SLC6A3: variants seen among roughly 807,000 people sequenced by gnomAD.
SLC6A3 encodes sodium-dependent dopamine transporter.
Under a neutral mutation model 70.4 loss-of-function variants are expected in SLC6A3, and 19 were observed. The ratio of observed to expected loss-of-function variants is 0.27; its 90% CI spans 0.19 to 0.40. The LOEUF is 0.40. SLC6A3 is among the 10% of genes least tolerant of loss of function. The pLI, the probability that SLC6A3 is intolerant of heterozygous loss-of-function variation, is 1.00. For synonymous variants in SLC6A3, 368 were observed against 356.6 expected (o/e 1.03, Z -0.36); for missense variants, 613 against 838.5 (o/e 0.73, Z 3.32).
chr5:1,420,860 T>C (rs1414558009), intron 5 of SLC6A3, among the ~76,000 whole-genome samples, 157 bp from the exon 6 acceptor site: 1 of 152,210 alleles, frequency 6.6e-6, no homozygotes, highest in Non-Finnish European at 1.5e-5. Flanking sequence ...CAAATGCTCC[T>C]TGGAGTGAGA....
At chr5:1,434,179 G>A (rs533920210) in intron 3 of SLC6A3, among the ~76,000 whole-genome samples, 1 of 152,312 alleles carries the variant, frequency 6.6e-6, no homozygotes, top group Admixed American at 6.5e-5. Context: ...ACCATCCAGG[G>A]TTTCCTAGAA....
rs1756045031 is a variant in SLC6A3, at chr5:1,408,720, T to G, written c.1498+306A>C. Among the ~76,000 whole-genome samples the G allele has an allele frequency of 6.6e-6, 1 of 152,328 alleles. No homozygotes were observed. Among genetic ancestry groups the G allele is most frequent in the South Asian group, 2.1e-4 (1 of 4,834 alleles). Reference sequence around the variant, plus strand: ...CCCTGCTGAAACCCCAGCATGGATCTGATTGTGTTCCCCTGGGTGGGATGG... The same window carrying G: ...CCCTGCTGAAACCCCAGCATGGATCGGATTGTGTTCCCCTGGGTGGGATGG... On this transcript the variant is annotated intron_variant, in intron 11 of 14. Transcript: ENST00000270349. The surrounding 1 kb of genome is among the most constrained non-coding windows in gnomAD (Gnocchi z 6.4).
chr5:1,414,548 C>A, intron 8 of SLC6A3, 143 bp downstream of exon 8: 1 of 833,192 alleles, frequency 1.2e-6, no homozygotes. Context: ...GTACCACCAT[C>A]CTTCAAGAGT....
intron 8 of SLC6A3, among the ~76,000 whole-genome samples, chr5:1,414,098 G>C (rs560150687): frequency 2.0e-5 from 3 of 152,142 alleles, no homozygotes; most frequent in African/African-American, 2.4e-5. Flanking sequence ...GGGATCTCCC[G>C]GCTGCTCTGT....
chr5:1,444,436 AC>A (rs1167939152), intron 1 of SLC6A3, among the ~76,000 whole-genome samples: 1 of 152,210 alleles, frequency 6.6e-6, no homozygotes, highest in East Asian at 1.9e-4. Flanking sequence ...ACACTTACAC[AC>A]ATACACACTC....
chr5:1,415,988 C>A lies in SLC6A3; in HGVS notation c.1031+110G>T, dbSNP rs568552119. The stretch of plus-strand genomic sequence containing the variant: ...AAAGGCCACGCAGCTCACAGGTTTG[C>A]GGGTTCAGTGGATCCGCCCTGTTCT... On this transcript the variant is annotated intron_variant, in intron 7 of 14. Transcript: ENST00000270349. 1.5e-5 allele frequency: 12 copies of A among 817,970 alleles called. No homozygotes were observed. The African/African-American group carries it at 1.7e-4, about 11-fold the overall frequency. The allele number at this position is 817,970 out of a possible 1,614,324, so 50.7% of individuals were successfully genotyped here. A position where few individuals can be genotyped will look rare whatever the true frequency, so the allele number is the denominator to read the frequency against.
intron 2 of SLC6A3, among the ~76,000 whole-genome samples, chr5:1,441,917 C>G (rs758628857): frequency 6.6e-6 from 1 of 152,154 alleles, no homozygotes; most frequent in African/African-American, 2.4e-5. Context: ...TGGGCCCTGC[C>G]GTCCTGTCCC....
In SLC6A3 at chr5:1,442,431, G is replaced by A. The variant is rs986626562; in HGVS notation, c.286+481C>T. On this transcript the variant is annotated intron_variant, in intron 2 of 14. Coordinates refer to ENST00000270349, the MANE Select transcript of SLC6A3 (RefSeq NM_001044.5). This position sits in a 1 kb window ranked among gnomAD's most constrained non-coding sequence, Gnocchi z 5.0. The stretch of plus-strand genomic sequence containing the variant: ...TGGACGTCCCCGGTGGCCCTGCCTC[G>A]ATCTTCGCTTTCTGGCTCTGTGGCT... Among the ~76,000 whole-genome samples, 7 of 152,144 alleles carry A rather than the reference G, an allele frequency of 4.6e-5. No homozygotes were observed. The highest frequency in any genetic ancestry group is 9.7e-5 in the African/African-American group (4 of 41,428).
rs1755961743 is a variant in SLC6A3, at chr5:1,405,735, C to A, written c.1599+453G>T. Among the ~76,000 whole-genome samples the A allele has an allele frequency of 6.6e-6, 1 of 152,278 alleles. No individual in the cohort carries two copies. Among genetic ancestry groups the A allele is most frequent in the East Asian group, 1.9e-4 (1 of 5,206 alleles). ...CAAGTGCCTACTGGACACAGTGATGCTGCTGAGCCAGAGGGAGGCTTGCGT... is the reference window on the plus strand; with the variant it reads ...CAAGTGCCTACTGGACACAGTGATGATGCTGAGCCAGAGGGAGGCTTGCGT... On this transcript the variant is annotated intron_variant, in intron 12 of 14. Coordinates refer to ENST00000270349, the MANE Select transcript of SLC6A3 (RefSeq NM_001044.5). The surrounding 1 kb of genome is among the most constrained non-coding windows in gnomAD (Gnocchi z 5.3).
chr5:1,443,375 T>C (rs1465885753), intron 1 of SLC6A3, 133 bp from the exon 2 acceptor site: 1 of 735,664 alleles, frequency 1.4e-6, no homozygotes, highest in Non-Finnish European at 2.4e-6. Context: ...GATGGGTGCG[T>C]TCTCAGCGCC....
intron 4 of SLC6A3, among the ~76,000 whole-genome samples, chr5:1,424,452 C>T (rs1290042157): frequency 6.6e-6 from 1 of 152,146 alleles, no homozygotes; most frequent in Non-Finnish European, 1.5e-5. Context: ...GCAGCCCGGA[C>T]CACTCCTCCC....
At position 1,421,531 on chromosome 5, in the gene SLC6A3, A is replaced by G. The variant is rs1001119229; in HGVS notation, c.792+345T>C. Among the ~76,000 whole-genome samples the G allele has an allele frequency of 6.6e-6, 1 of 151,946 alleles. No individual in the cohort carries two copies. The highest frequency in any genetic ancestry group is 1.5e-5 in the Non-Finnish European group (1 of 67,968). ...TCCCTCCTGAGGCCCTTCCCCAAAC[A>G]CAGCCACACGTGGACCCAAAACCCA... On this transcript the variant is annotated intron_variant, in intron 5 of 14. Transcript: ENST00000270349. This position sits in a 1 kb window ranked among gnomAD's most constrained non-coding sequence, Gnocchi z 7.2.
rs972172351 is a variant in SLC6A3, at chr5:1,393,083, A to T, written c.*1652T>A. The T allele has an allele frequency of 2.6e-5, 4 of 152,184 alleles. No homozygotes were observed. Among genetic ancestry groups the T allele is most frequent in the Non-Finnish European group, 5.9e-5 (4 of 68,072 alleles). 9.4% of individuals were successfully genotyped at this position (152,184 alleles called of 1,614,324 possible). On this transcript the variant is annotated 3_prime_UTR_variant, in exon 15 of 15. Coordinates refer to ENST00000270349, the MANE Select transcript of SLC6A3 (RefSeq NM_001044.5). ...GTCCCTCCCCAGAAGGCAATGGGGA[A>T]GCCATCCTCTGTGCTAACTGCAGCT...
At chr5:1,425,857 T>C (rs1157800488) in intron 4 of SLC6A3, among the ~76,000 whole-genome samples, 1 of 152,170 alleles carries the variant, frequency 6.6e-6, no homozygotes, top group Non-Finnish European at 1.5e-5. Context: ...GGCAAAGGAC[T>C]TGAATAGACA....
At chr5:1,441,604 C>T in intron 2 of SLC6A3, 114 bp from the exon 3 acceptor site, 1 of 1,225,080 alleles carries the variant, frequency 8.2e-7, no homozygotes, top group Non-Finnish European at 1.1e-6. Context: ...GACCGTTTCA[C>T]CCCACTCTCC....
intron 4 of SLC6A3, among the ~76,000 whole-genome samples, chr5:1,422,245 C>A (rs1177025871): frequency 6.6e-6 from 1 of 152,250 alleles, no homozygotes; most frequent in Non-Finnish European, 1.5e-5. Flanking sequence ...AGCCCTGCCT[C>A]ACCATCTGCC....
chr5:1,441,304 C>A (rs1443148525), intron 3 of SLC6A3, 55 bp downstream of exon 3: 1 of 1,610,344 alleles, frequency 6.2e-7, no homozygotes, highest in Non-Finnish European at 8.5e-7. Flanking sequence ...AAAGCTCCAG[C>A]GTCACCACCA....
Position 1,408,225 on chromosome 5 carries a change from G to GTTTTTTTTTTTTTT in SLC6A3, c.1498+800_1498+801insAAAAAAAAAAAAAA, listed in dbSNP as rs1756031538. Among the ~76,000 whole-genome samples the GTTTTTTTTTTTTTT allele has an allele frequency of 1.1e-5, 1 of 87,718 alleles. No individual in the cohort carries two copies. Among genetic ancestry groups the GTTTTTTTTTTTTTT allele is most frequent in the African/African-American group, 5.3e-5 (1 of 18,928 alleles). 57.5% of individuals were successfully genotyped at this position (87,718 alleles called of 152,430 possible). On this transcript the variant is annotated intron_variant, in intron 11 of 14. Coordinates refer to ENST00000270349, the MANE Select transcript of SLC6A3 (RefSeq NM_001044.5). This position sits in a 1 kb window ranked among gnomAD's most constrained non-coding sequence, Gnocchi z 6.4. ...CTAATTTTTTTTTTTTTTTTTTTTA[G>GTTTTTTTTTTTTTT]TAAAGATGGGGTTTTACCATGTTGG...
chr5:1,430,396 C>G (rs904262972), intron 4 of SLC6A3, among the ~76,000 whole-genome samples: 2 of 152,244 alleles, frequency 1.3e-5, no homozygotes, highest in Admixed American at 1.3e-4. Flanking sequence ...GGCTCCTCAC[C>G]TCCAAGGCCA....
Sources: allele counts gnomAD v4.1 joint callset (sites outside exome capture counted in the v4.1 genomes callset), GRCh38; gene constraint gnomAD v4.1.1; non-coding constraint Gnocchi (gnomAD v3.1); transcripts MANE v1.5; gene names NCBI Gene and HGNC (gene_info 2026-07-23, HGNC 2026-07-21).